Variants in DAP3 observed in about 807,000 individuals in gnomAD.
DAP3 encodes the protein small ribosomal subunit protein mS29.
Under a neutral mutation model 51.9 loss-of-function variants are expected in DAP3, and 28 were observed. The ratio of observed to expected loss-of-function variants is 0.54; its 90% CI spans 0.40 to 0.74. The LOEUF is 0.74. Ranked by LOEUF, DAP3 falls within the 30% of genes least tolerant of loss-of-function variation. The probability of loss-of-function intolerance (pLI) is 0.00; values close to 1 mark genes in which losing one functional copy is unlikely to be tolerated. For missense variants in DAP3, 458 were observed against 483.5 expected (o/e 0.95, Z 0.49); for synonymous variants, 170 against 170.3 (o/e 1.00, Z 0.01).
Position 155,727,571 on chromosome 1 carries a change from T to C in DAP3, c.473-37T>C, listed in dbSNP as rs572044526. 16 of 1,604,382 alleles carry C rather than the reference T, an allele frequency of 1.0e-5. No individual in the cohort carries two copies. In the African/African-American group the frequency reaches 1.6e-4, roughly 16 times the overall value. On this transcript the variant is annotated intron_variant, in intron 6 of 12. Coordinates refer to ENST00000368336, the MANE Select transcript of DAP3 (RefSeq NM_004632.4). ...AATATTTCGAGTTGAATACAGTTTC[T>C]GCCTGGCTTGTTTTCTTCTGCCTCT...
chr1:155,708,534 G>GT (rs1243254745), intron 1 of DAP3, among the ~76,000 whole-genome samples: 7 of 126,394 alleles, frequency 5.5e-5, no homozygotes, highest in African/African-American at 1.5e-4. Flanking sequence ...TTCTTTTTCT[G>GT]TTTTTGTTTT....
At chr1:155,720,324 CAAAAAAAAAAAAAAAAA>C (rs61252469) in intron 3 of DAP3, among the ~76,000 whole-genome samples, 2 of 32,788 alleles carry the variant, frequency 6.1e-5, no homozygotes, top group African/African-American at 1.3e-4. Flanking sequence ...GATCTTGTCT[CAAAAAAAAAAAAAAAAA>C]AAAAAAAAAA....
intron 4 of DAP3, among the ~76,000 whole-genome samples, chr1:155,723,529 A>G (rs932882931): frequency 2.0e-5 from 3 of 151,924 alleles, no homozygotes; most frequent in African/African-American, 7.3e-5. Context: ...GGGATTTGCC[A>G]TATTGGCCAG....
At chr1:155,722,679 G>A (rs1571529146) in intron 4 of DAP3, among the ~76,000 whole-genome samples, 1 of 152,104 alleles carries the variant, frequency 6.6e-6, no homozygotes, top group East Asian at 1.9e-4. Context: ...TTAGTCATGT[G>A]TGGTAGCTGC....
chr1:155,729,238 G>T lies in DAP3; in HGVS notation c.715G>T (p.Ala239Ser), dbSNP rs1431045753. The part of the protein sequence containing the change: ...GITRVRNATD[A>S]VGIVLKELKR... ...AACACGGGTGAGGAACGCCACAGAT[G>T]CAGTTGGAATTGTGCTGAAAGAGCT... The change falls in exon 9 of 13, where the codon GCA becomes TCA. Residue 239 changes from alanine to serine, a missense_variant. By Grantham distance (99) the Ala-to-Ser change is moderately conservative. Coordinates refer to ENST00000368336, the MANE Select transcript of DAP3 (RefSeq NM_004632.4). The T allele has an allele frequency of 1.9e-6, 3 of 1,614,092 alleles. No individual in the cohort carries two copies. Among genetic ancestry groups the T allele is most frequent in the Non-Finnish European group, 1.7e-6 (2 of 1,180,052 alleles).
intron 11 of DAP3, chr1:155,736,467 G>C (rs1442452589): frequency 1.5e-5 from 3 of 195,052 alleles, no homozygotes; most frequent in Non-Finnish European, 3.1e-5. Flanking sequence ...CCCATACTGT[G>C]ACAGTATGTG....
intron 4 of DAP3, among the ~76,000 whole-genome samples, chr1:155,724,283 C>A (rs1228049355): frequency 6.6e-6 from 1 of 152,102 alleles, no homozygotes; most frequent in Admixed American, 6.6e-5. Context: ...GTCACACCTG[C>A]TCCTGAGCCG....
chr1:155,701,984 A>T (rs1324845087), intron 1 of DAP3, among the ~76,000 whole-genome samples: 1 of 151,174 alleles, frequency 6.6e-6, no homozygotes, highest in East Asian at 1.9e-4. Context: ...CTACTCATCA[A>T]CCCAAAGAAC....
intron 4 of DAP3, 163 bp downstream of exon 4, chr1:155,721,781 G>A (rs1658053143): frequency 1.6e-6 from 1 of 624,204 alleles, no homozygotes; most frequent in Non-Finnish European, 2.8e-6. Context: ...ATTACTTTAA[G>A]CTCATGTTTA....
intron 11 of DAP3, among the ~76,000 whole-genome samples, chr1:155,735,480 G>A (rs1440340821): frequency 6.6e-6 from 1 of 151,736 alleles, no homozygotes; most frequent in Non-Finnish European, 1.5e-5. Flanking sequence ...GTGAGGCTGA[G>A]ACAGGAGAAT....
chr1:155,708,540 G>GTTTTTT (rs151238139), intron 1 of DAP3, among the ~76,000 whole-genome samples: 215 of 103,212 alleles, frequency 2.1e-3, no homozygotes, highest in Non-Finnish European at 3.1e-3. Flanking sequence ...TTCTGTTTTT[G>GTTTTTT]TTTTTTTTTT....
chr1:155,732,238 T>TC (rs973264031), intron 11 of DAP3: 8 of 365,876 alleles, frequency 2.2e-5, no homozygotes, highest in African/African-American at 1.5e-4. Flanking sequence ...CTTTTCTTTT[T>TC]TTTTTTTTTG....
intron 2 of DAP3, among the ~76,000 whole-genome samples, chr1:155,716,262 T>C (rs1198003574): frequency 6.6e-6 from 1 of 152,188 alleles, no homozygotes; most frequent in Admixed American, 6.5e-5. Context: ...GGATCCTTTT[T>C]ACATAGAAGA....
chr1:155,738,363 C>T lies in DAP3; in HGVS notation c.*121C>T, dbSNP rs1660018502. On this transcript the variant is annotated 3_prime_UTR_variant, in exon 13 of 13. Transcript: ENST00000368336. ...AGGCCCTTGTACCTATGGGATTGGA[C>T]AGGACTGCAGTTGGCTCTGGACCTG... is the stretch of plus-strand genomic sequence containing the variant. 3.0e-6 allele frequency: 3 copies of T among 985,242 alleles called. No homozygotes were observed. The highest frequency in any genetic ancestry group is 3.2e-5 in the South Asian group (2 of 62,404). The allele number at this position is 985,242 out of a possible 1,614,324, so 61.0% of individuals were successfully genotyped here. A position where few individuals can be genotyped will look rare whatever the true frequency, so the allele number is the denominator to read the frequency against.
intron 11 of DAP3, chr1:155,736,744 G>A: frequency 1.8e-6 from 1 of 561,348 alleles, no homozygotes; most frequent in Non-Finnish European, 3.2e-6. Flanking sequence ...AGCATTTGTG[G>A]CCACGTAGAG....
intron 1 of DAP3, among the ~76,000 whole-genome samples, chr1:155,700,707 C>T (rs1269230048): frequency 6.9e-6 from 1 of 145,388 alleles, no homozygotes; most frequent in Admixed American, 6.7e-5. Flanking sequence ...GGGGTCAGCC[C>T]CCCAACCCGG....
chr1:155,711,364 A>G (rs902825807), intron 2 of DAP3, among the ~76,000 whole-genome samples: 1 of 152,060 alleles, frequency 6.6e-6, no homozygotes, highest in Non-Finnish European at 1.5e-5. Context: ...GTGGTGGCAC[A>G]CGCCTGTAAT....
In DAP3 at chr1:155,705,127, A is replaced by G. The variant is rs149671718; in HGVS notation, c.-7-4646A>G. On this transcript the variant is annotated intron_variant, in intron 1 of 12. Coordinates refer to ENST00000368336, the MANE Select transcript of DAP3 (RefSeq NM_004632.4). ...GGCAACATAATGAGACTCTGTCTCT[A>G]CAAAATAAAAAAGCCAGGCACAGTG... 2.5e-4 allele frequency among the ~76,000 whole-genome samples: 37 copies of G among 150,670 alleles called. No individual in the cohort carries two copies. In the East Asian group the frequency reaches 7.1e-3, roughly 29 times the overall value.
At chr1:155,710,931 C>T (rs958713534) in intron 2 of DAP3, among the ~76,000 whole-genome samples, 4 of 152,034 alleles carry the variant, frequency 2.6e-5, no homozygotes, top group Non-Finnish European at 5.9e-5. Context: ...AGCACCTGAG[C>T]GGGATTAGTC....
Sources: allele counts gnomAD v4.1 joint callset (sites outside exome capture counted in the v4.1 genomes callset), GRCh38; gene constraint gnomAD v4.1.1; transcripts MANE v1.5; gene names NCBI Gene and HGNC (gene_info 2026-07-23, HGNC 2026-07-21).